The following POU6F2 variants were observed in gnomAD, a reference collection of about 807,000 sequenced individuals.
POU6F2 encodes the protein POU domain, class 6, transcription factor 2.
POU6F2 carries 31 observed loss-of-function variants against 71.3 expected under a neutral mutation model. The ratio of observed to expected loss-of-function variants is 0.43; its 90% CI spans 0.33 to 0.59. The LOEUF (loss-of-function observed/expected upper bound fraction) is 0.59, where lower values mean the gene tolerates loss of function less well. Among genes scored for constraint, POU6F2 ranks in the 20% least tolerant of loss-of-function variants. The pLI is 0.04. For missense variants in POU6F2, 783 were observed against 856.8 expected, an observed-to-expected ratio of 0.91 and a Z score of 1.07; for synonymous variants, 347 against 355.7, an observed-to-expected ratio of 0.98 and a Z score of 0.27.
intron 4 of POU6F2, among the ~76,000 whole-genome samples, chr7:39,300,125 T>C (rs937412151): frequency 1.2e-4 from 18 of 152,266 alleles, no homozygotes; most frequent in African/African-American, 3.9e-4. Flanking sequence ...ACTGATGAAA[T>C]CCTGAAACCC....
intron 1 of POU6F2, among the ~76,000 whole-genome samples, chr7:39,020,976 G>T (rs1204111516): frequency 6.6e-6 from 1 of 151,094 alleles, no homozygotes; most frequent in Non-Finnish European, 1.5e-5. Flanking sequence ...TTTTTAAAAT[G>T]TTCTTTTAAA....
chr7:38,996,245 T>A (rs1191949498), intron 1 of POU6F2, among the ~76,000 whole-genome samples: 3 of 151,954 alleles, frequency 2.0e-5, no homozygotes. Flanking sequence ...TTCACCATGT[T>A]GGCCAGGCTG....
rs137985089 is a variant in POU6F2, at chr7:39,258,528, C to T, written c.598+50908C>T. ...ATAAATTAATCAACCCACCTTTTTC[C>T]TGGTTGCTTCATTCCATAGAGATCC... On this transcript the variant is annotated intron_variant, in intron 4 of 9. Coordinates refer to ENST00000518318, the MANE Select transcript of POU6F2 (RefSeq NM_001370959.1). Among the ~76,000 whole-genome samples the T allele has an allele frequency of 7.7e-3, 1,168 of 152,194 alleles. 5 individuals are homozygous for T. Among genetic ancestry groups the T allele is most frequent in the Middle Eastern group, 0.02 (6 of 294 alleles).
intron 2 of POU6F2, among the ~76,000 whole-genome samples, chr7:39,163,502 T>C (rs1184181098): frequency 6.6e-6 from 1 of 152,156 alleles, no homozygotes; most frequent in Non-Finnish European, 1.5e-5. Flanking sequence ...AAAACCTCTT[T>C]TGGGACAGCA....
intron 7 of POU6F2, among the ~76,000 whole-genome samples, chr7:39,443,620 G>A (rs1017612255): frequency 1.3e-5 from 2 of 152,174 alleles, no homozygotes; most frequent in Non-Finnish European, 2.9e-5. Flanking sequence ...TAACAAGTTG[G>A]GCAAATTGAC....
At chr7:39,119,517 G>C (rs1269147761) in intron 2 of POU6F2, among the ~76,000 whole-genome samples, 3 of 152,116 alleles carry the variant, frequency 2.0e-5, no homozygotes, top group African/African-American at 2.4e-5. Flanking sequence ...GGGAAACGGG[G>C]TGGAGAGAAT....
intron 2 of POU6F2, among the ~76,000 whole-genome samples, chr7:39,105,560 A>G (rs776079795): frequency 1.3e-5 from 2 of 152,182 alleles, no homozygotes; most frequent in Admixed American, 6.5e-5. Flanking sequence ...ACAGGCAAGA[A>G]TAAGTATTCT....
chr7:39,314,597 A>G (rs1308639411), intron 4 of POU6F2, among the ~76,000 whole-genome samples: 3 of 152,196 alleles, frequency 2.0e-5, no homozygotes, highest in African/African-American at 2.4e-5. Flanking sequence ...TTGTAAGGCT[A>G]TTGCTGTTTC....
chr7:39,348,871 G>A (rs539757917), intron 5 of POU6F2, among the ~76,000 whole-genome samples: 1 of 152,286 alleles, frequency 6.6e-6, no homozygotes, highest in South Asian at 2.1e-4. Context: ...GAATACTGAA[G>A]GCTAAAAGAC....
Position 39,464,837 on chromosome 7 carries a change from C to A in POU6F2, c.*151C>A. 1.0e-6 allele frequency: 1 copy of A among 1,004,078 alleles called. No individual in the cohort carries two copies. The highest frequency in any genetic ancestry group is 1.4e-6 in the Non-Finnish European group (1 of 707,940). 62.2% of individuals were successfully genotyped at this position (1,004,078 alleles called of 1,614,324 possible). ...GTAAGTAAATGACTAAGAAAACTAC[C>A]AAGTGGACAGAATGGTTTCTACATG... On this transcript the variant is annotated 3_prime_UTR_variant, in exon 10 of 10. Transcript: ENST00000518318. This position sits in a 1 kb window ranked among gnomAD's most constrained non-coding sequence, Gnocchi z 4.1.
At chr7:39,432,152 TG>T (rs1437427595) in intron 6 of POU6F2, among the ~76,000 whole-genome samples, 5 of 152,190 alleles carry the variant, frequency 3.3e-5, no homozygotes, top group Non-Finnish European at 7.3e-5. Context: ...TTTCTATTCA[TG>T]GTGCCTTTCT....
At position 39,022,917 on chromosome 7, in the gene POU6F2, CTG is replaced by C. The variant is rs199808550; in HGVS notation, c.105+44861_105+44862del. ...GGTATACGTCTGACATTATAAGAAACTGTCAGTTTTCCAAGCAGTTGTACCAT... is the reference window on the plus strand; with the variant it reads ...GGTATACGTCTGACATTATAAGAAACTCAGTTTTCCAAGCAGTTGTACCAT... On this transcript the variant is annotated intron_variant, in intron 1 of 9. Coordinates refer to ENST00000518318, the MANE Select transcript of POU6F2 (RefSeq NM_001370959.1). 1.6e-4 allele frequency among the ~76,000 whole-genome samples: 25 copies of C among 152,124 alleles called. No homozygotes were observed. In the East Asian group the frequency reaches 4.1e-3, roughly 25 times the overall value.
At chr7:39,370,712 A>G (rs1211762735) in intron 5 of POU6F2, among the ~76,000 whole-genome samples, 2 of 152,198 alleles carry the variant, frequency 1.3e-5, no homozygotes, top group Non-Finnish European at 2.9e-5. Context: ...TTTGGATAAA[A>G]TTAACATTTA....
intron 2 of POU6F2, among the ~76,000 whole-genome samples, chr7:39,184,205 T>G (rs900551114): frequency 8.5e-5 from 13 of 152,240 alleles, no homozygotes; most frequent in Non-Finnish European, 1.3e-4. Context: ...AAGATTACAG[T>G]GACCCAATCT....
chr7:39,383,726 G>A (rs912825390), intron 5 of POU6F2, among the ~76,000 whole-genome samples: 2 of 152,142 alleles, frequency 1.3e-5, no homozygotes, highest in African/African-American at 4.8e-5. Context: ...TAGAGTGCTC[G>A]AACCAGACCT....
intron 2 of POU6F2, among the ~76,000 whole-genome samples, chr7:39,175,417 A>G (rs1260014947): frequency 6.6e-6 from 1 of 152,162 alleles, no homozygotes; most frequent in Non-Finnish European, 1.5e-5. Context: ...ACTACTAGTA[A>G]TTATGCCACA....
intron 2 of POU6F2, among the ~76,000 whole-genome samples, chr7:39,138,390 A>G (rs1792428455): frequency 6.6e-6 from 1 of 152,210 alleles, no homozygotes; most frequent in Non-Finnish European, 1.5e-5. Flanking sequence ...CAGCAGGAGT[A>G]AGCAGTGGAC....
At chr7:39,452,172 G>A (rs1405090619) in intron 8 of POU6F2, among the ~76,000 whole-genome samples, 31 of 152,216 alleles carry the variant, frequency 2.0e-4, no homozygotes, top group Admixed American at 2.0e-3. Flanking sequence ...GTGGGTGTGT[G>A]TGTACAATAA....
intron 1 of POU6F2, among the ~76,000 whole-genome samples, chr7:38,990,005 T>G (rs574290902): frequency 6.6e-6 from 1 of 152,252 alleles, no homozygotes; most frequent in South Asian, 2.1e-4. Context: ...TGTATATCTA[T>G]CATCTTTTAA....
Sources: allele counts gnomAD v4.1 joint callset (sites outside exome capture counted in the v4.1 genomes callset), GRCh38; gene constraint gnomAD v4.1.1; non-coding constraint Gnocchi (gnomAD v3.1); transcripts MANE v1.5; gene names NCBI Gene and HGNC (gene_info 2026-07-23, HGNC 2026-07-21).